Variants in PAWR observed in about 807,000 individuals in gnomAD.
PAWR encodes pro-apoptotic WT1 regulator, also known as PRKC apoptosis WT1 regulator protein.
Under a neutral mutation model 32.0 loss-of-function variants are expected in PAWR, and 23 were observed. The ratio of observed to expected loss-of-function variants is 0.72; its 90% CI spans 0.52 to 1.02. The LOEUF (loss-of-function observed/expected upper bound fraction) is 1.02. Ranked by LOEUF, PAWR falls within the 50% of genes least tolerant of loss-of-function variation. PAWR has a pLI of 0.00. For synonymous variants in PAWR, 226 were observed against 187.1 expected, an observed-to-expected ratio of 1.21 and a Z score of -1.70; for missense variants, 457 against 437.7, an observed-to-expected ratio of 1.04 and a Z score of -0.39.
In PAWR at chr12:79,689,878, G is replaced by T; in HGVS notation, c.367C>A (p.Pro123Thr). Residue 123 changes from proline (P) to threonine (T), a missense_variant, in exon 2 of 7, where the codon CCC becomes ACC. Pro to Thr is a conservative substitution (Grantham distance 38). Coordinates refer to ENST00000328827, the MANE Select transcript of PAWR (RefSeq NM_002583.4). ...PAASASAAPPPQRDEEEPDGV... is the reference protein window; with the variant it reads ...PAASASAAPPTQRDEEEPDGV... Reference sequence around the variant, plus strand: ...TCCGGCTCCTCCTCGTCACGCTGGGGCGGCGGTGCAGCCGAGGCAGAGGCG... The same window carrying T: ...TCCGGCTCCTCCTCGTCACGCTGGGTCGGCGGTGCAGCCGAGGCAGAGGCG... 6.4e-7 allele frequency: 1 copy of T among 1,557,384 alleles called. No homozygotes were observed. The highest frequency in any genetic ancestry group is 8.7e-7 in the Non-Finnish European group (1 of 1,152,500).
chr12:79,613,500 T>C, intron 4 of PAWR, 75 bp downstream of exon 4: 1 of 704,120 alleles, frequency 1.4e-6, no homozygotes. Context: ...CTGCTTTAAA[T>C]AGTTCTAGTT....
At chr12:79,593,049 A>C (rs75232863) in intron 6 of PAWR, among the ~76,000 whole-genome samples, 2 of 152,080 alleles carry the variant, frequency 1.3e-5, no homozygotes, top group Non-Finnish European at 2.9e-5. Flanking sequence ...AAAAAAAAAA[A>C]CTACCCATGC....
chr12:79,620,401 G>T (rs1874946675), intron 3 of PAWR, among the ~76,000 whole-genome samples: 1 of 152,132 alleles, frequency 6.6e-6, no homozygotes, highest in Admixed American at 6.5e-5. Flanking sequence ...AGAGCTGCTT[G>T]GCATAGAGAA....
intron 2 of PAWR, among the ~76,000 whole-genome samples, chr12:79,634,635 C>A (rs558477114): frequency 1.3e-5 from 2 of 149,222 alleles, no homozygotes; most frequent in East Asian, 3.9e-4. Flanking sequence ...AATCAATTTA[C>A]TGCATTGCAA....
chr12:79,668,619 C>T (rs574531813), intron 2 of PAWR, among the ~76,000 whole-genome samples: 12 of 152,178 alleles, frequency 7.9e-5, no homozygotes, highest in Admixed American at 1.3e-4. Flanking sequence ...CAACCTACAT[C>T]CCTCACATGC....
intron 2 of PAWR, among the ~76,000 whole-genome samples, chr12:79,654,420 CT>C (rs5799436): frequency 8.0e-5 from 12 of 149,096 alleles, no homozygotes; most frequent in East Asian, 2.0e-4. Flanking sequence ...CAAAAGATAG[CT>C]TTTTTTTTTG....
chr12:79,636,742 C>T (rs560392332), intron 2 of PAWR, among the ~76,000 whole-genome samples: 101 of 152,168 alleles, frequency 6.6e-4, no homozygotes, highest in African/African-American at 2.1e-3. Context: ...TACAACCGTT[C>T]GTAAAATCCT....
At chr12:79,614,815 A>C (rs891519540) in intron 3 of PAWR, among the ~76,000 whole-genome samples, 16 of 152,212 alleles carry the variant, frequency 1.1e-4, no homozygotes, top group Admixed American at 5.9e-4. Flanking sequence ...AAAGACTAGC[A>C]ATGTGGGGAA....
At position 79,585,123 on chromosome 12, in the gene PAWR, G is replaced by C. The variant is rs1378744928; in HGVS notation, c.*7484C>G. ...GAGGCTTCTCCTGATACAATCTTTT[G>C]CAACATAACCAACAAAGATCAGGAG... is the stretch of plus-strand genomic sequence containing the variant. On this transcript the variant is annotated 3_prime_UTR_variant, in exon 7 of 7. Transcript: ENST00000328827. 2.2e-6 allele frequency: 1 copy of C among 450,994 alleles called. No individual in the cohort carries two copies. Among genetic ancestry groups the C allele is most frequent in the South Asian group, 1.6e-5 (1 of 63,350 alleles). The allele number at this position is 450,994 out of a possible 1,614,324, so 27.9% of individuals were successfully genotyped here. A position where few individuals can be genotyped will look rare whatever the true frequency, so the allele number is the denominator to read the frequency against.
intron 2 of PAWR, among the ~76,000 whole-genome samples, chr12:79,664,967 G>A (rs1396202660): frequency 1.3e-5 from 2 of 152,130 alleles, no homozygotes; most frequent in Non-Finnish European, 1.5e-5. Context: ...CAACTTGGAA[G>A]GAGGAGCAGC....
chr12:79,669,372 T>C (rs1283996207), intron 2 of PAWR, among the ~76,000 whole-genome samples: 2 of 152,214 alleles, frequency 1.3e-5, no homozygotes, highest in African/African-American at 4.8e-5. Context: ...CTCAGGACTA[T>C]GCAAATTTCA....
At chr12:79,622,768 T>C (rs1875087211) in intron 2 of PAWR, among the ~76,000 whole-genome samples, 1 of 152,168 alleles carries the variant, frequency 6.6e-6, no homozygotes, top group South Asian at 2.1e-4. Context: ...AAGAAAATTA[T>C]GATACTGTAG....
chr12:79,616,794 T>A (rs535842323), intron 3 of PAWR, among the ~76,000 whole-genome samples: 1 of 152,276 alleles, frequency 6.6e-6, no homozygotes, highest in South Asian at 2.1e-4. Flanking sequence ...CACTGCTAGC[T>A]TGATACAGTT....
At chr12:79,634,610 ATT>A (rs1268750873) in intron 2 of PAWR, among the ~76,000 whole-genome samples, 1 of 152,138 alleles carries the variant, frequency 6.6e-6, no homozygotes, top group Non-Finnish European at 1.5e-5. Flanking sequence ...AGGTGTAACT[ATT>A]TGTTAGTTAT....
chr12:79,681,324 G>A (rs1334753023), intron 2 of PAWR, among the ~76,000 whole-genome samples: 1 of 152,040 alleles, frequency 6.6e-6, no homozygotes, highest in Non-Finnish European at 1.5e-5. Context: ...ACTGGACATG[G>A]TGGCTCATGC....
At chr12:79,677,195 G>A (rs1426820717) in intron 2 of PAWR, among the ~76,000 whole-genome samples, 1 of 152,148 alleles carries the variant, frequency 6.6e-6, no homozygotes, top group Non-Finnish European at 1.5e-5. Context: ...ATCCAAATTA[G>A]AGAATATTCT....
chr12:79,589,250 A>C lies in PAWR; in HGVS notation c.*3357T>G, dbSNP rs1873476796. ...GGATATCAGATCAATTATCAAATCC[A>C]AGGTCTCTGCTGTTTTGTCTTACAG... On this transcript the variant is annotated 3_prime_UTR_variant, in exon 7 of 7. Transcript: ENST00000328827. 1 of 151,970 alleles carries C rather than the reference A, an allele frequency of 6.6e-6. No individual in the cohort carries two copies. 9.4% of individuals were successfully genotyped at this position (151,970 alleles called of 1,614,324 possible). A position where few individuals can be genotyped will look rare whatever the true frequency, so the allele number is the denominator to read the frequency against.
intron 3 of PAWR, among the ~76,000 whole-genome samples, chr12:79,617,880 C>A (rs1874817159): frequency 6.6e-6 from 1 of 151,956 alleles, no homozygotes; most frequent in African/African-American, 2.4e-5. Flanking sequence ...TGGGACCTGC[C>A]CCCGCTCTCT....
intron 2 of PAWR, 30 bp downstream of exon 2, chr12:79,689,699 C>A (rs1420050791): frequency 6.5e-7 from 1 of 1,530,908 alleles, no homozygotes. Flanking sequence ...CGCCCCGGCC[C>A]GGTCCGGCTG....
Sources: gnomAD v4.1 joint callset for allele counts (sites outside exome capture counted in the v4.1 genomes callset) on GRCh38, gnomAD v4.1.1 for gene constraint, MANE v1.5 for transcripts, NCBI Gene and HGNC (gene_info 2026-07-23, HGNC 2026-07-21) for gene names.